Variants in SCN3A observed in about 807,000 individuals in gnomAD.
SCN3A encodes sodium voltage-gated channel alpha subunit 3, also known as sodium channel protein type 3 subunit alpha.
Under a neutral mutation model 187.6 loss-of-function variants are expected in SCN3A, and 60 were observed. The ratio of observed to expected loss-of-function variants is 0.32; its 90% CI spans 0.26 to 0.40. The LOEUF (loss-of-function observed/expected upper bound fraction) is 0.40. SCN3A is among the 10% of genes least tolerant of loss of function. The pLI, the probability that SCN3A is intolerant of heterozygous loss-of-function variation, is 1.00. For missense variants in SCN3A, 1,601 were observed against 2,428.2 expected (o/e 0.66, Z 7.16); for synonymous variants, 788 against 829.2 (o/e 0.95, Z 0.85).
rs72870766 is a variant in SCN3A at position 165,137,966 on chromosome 2, A to G, written c.2304T>C (p.Ile768=). Residue 768 remains isoleucine (I), a synonymous_variant, in exon 15 of 28, where the codon ATT becomes ATC. Coordinates refer to ENST00000283254, the MANE Select transcript of SCN3A (RefSeq NM_006922.4). ...TAAAGAGGGTATTTAAGACAATGCA[A>G]ATAGTGATGGCAAGATCAACAAATG... ...MDPFVDLAIT[I]CIVLNTLFMA... is the part of the protein sequence containing the mutation. The G allele has an allele frequency of 9.0e-4, 1,455 of 1,613,546 alleles. 1 individual carries two copies. Among genetic ancestry groups the G allele is most frequent in the Admixed American group, 1.7e-3 (101 of 59,976 alleles).
At chr2:165,120,344 C>G (rs1471829642) in intron 18 of SCN3A, among the ~76,000 whole-genome samples, 1 of 151,752 alleles carries the variant, frequency 6.6e-6, no homozygotes, top group Non-Finnish European at 1.5e-5. Context: ...TCCCCGCCGC[C>G]CAATAGAGTG....
Position 165,127,773 on chromosome 2 carries a change from A to G in SCN3A, c.3251T>C (p.Val1084Ala), listed in dbSNP as rs377559620. The G allele has an allele frequency of 1.7e-5, 28 of 1,614,174 alleles. No individual in the cohort carries two copies. In the African/African-American group the frequency reaches 3.6e-4, roughly 21 times the overall value. The change falls in exon 18 of 28, where the codon GTA (valine) becomes GCA (alanine). Residue 1084 changes from valine (V) to alanine (A), a missense_variant. Val to Ala is a moderately conservative substitution (Grantham distance 64). Around this residue, in one of 11 missense-constraint regions of SCN3A, gnomAD observed 267 missense variants for 313.2 expected, o/e 0.85. Transcript: ENST00000283254. Reference sequence around the variant, plus strand: ...TGACATATAATCATTTTCATCGATTACGTATTTTTCAACACTGCTTCCAGT... The same window carrying G: ...TGACATATAATCATTTTCATCGATTGCGTATTTTTCAACACTGCTTCCAGT... ...VGTGSSVEKY[V>A]IDENDYMSFI... is the part of the protein sequence containing the mutation.
intron 4 of SCN3A, among the ~76,000 whole-genome samples, chr2:165,169,817 C>T (rs1314764097): frequency 6.6e-6 from 1 of 151,908 alleles, no homozygotes; most frequent in East Asian, 1.9e-4. Flanking sequence ...ATATTCTGCC[C>T]TTTTACATAT....
chr2:165,163,153 A>G (rs1175022786), intron 7 of SCN3A, among the ~76,000 whole-genome samples: 2 of 152,290 alleles, frequency 1.3e-5, no homozygotes, highest in Middle Eastern at 3.4e-3. Flanking sequence ...TTTTCCACCA[A>G]TCCATTCTTT....
rs1445906357 is a variant in SCN3A, at chr2:165,135,468, C to G, written c.2391+2411G>C. On this transcript the variant is annotated intron_variant, in intron 15 of 27. Transcript: ENST00000283254. Reference sequence around the variant, plus strand: ...ATGCAATAATTTGAGCAGTAATAAACTAGTCTGTAGATATTCTAAATTTAT... The same window carrying G: ...ATGCAATAATTTGAGCAGTAATAAAGTAGTCTGTAGATATTCTAAATTTAT... Among the ~76,000 whole-genome samples the G allele has an allele frequency of 2.0e-5, 3 of 152,018 alleles. No individual in the cohort carries two copies. The East Asian group carries it at 5.8e-4, about 29-fold the overall frequency.
At chr2:165,122,054 A>G (rs1000002075) in intron 18 of SCN3A, among the ~76,000 whole-genome samples, 1 of 152,120 alleles carries the variant, frequency 6.6e-6, no homozygotes, top group Non-Finnish European at 1.5e-5. Context: ...TTCATCCCAT[A>G]TATCATGATG....
At chr2:165,161,558 C>G (rs2105886685) in intron 9 of SCN3A, among the ~76,000 whole-genome samples, 1 of 152,256 alleles carries the variant, frequency 6.6e-6, no homozygotes, top group Non-Finnish European at 1.5e-5. Flanking sequence ...ACCAGTTTCC[C>G]TTTTTAAAGG....
chr2:165,102,890 GA>G (rs1417052014), intron 21 of SCN3A, among the ~76,000 whole-genome samples: 1 of 152,112 alleles, frequency 6.6e-6, no homozygotes, highest in Non-Finnish European at 1.5e-5. Flanking sequence ...ACTTATATAG[GA>G]AAATAAAGGG....
intron 18 of SCN3A, among the ~76,000 whole-genome samples, chr2:165,118,268 G>A (rs1574139499): frequency 6.6e-6 from 1 of 152,088 alleles, no homozygotes; most frequent in African/African-American, 2.4e-5. Context: ...CAATGGACAA[G>A]GAAAAAACCC....
chr2:165,140,514 C>G lies in SCN3A; in HGVS notation c.2019+137G>C. 1.3e-6 allele frequency: 1 copy of G among 743,202 alleles called. No homozygotes were observed. Among genetic ancestry groups the G allele is most frequent in the Non-Finnish European group, 2.4e-6 (1 of 421,034 alleles). The allele number at this position is 743,202 out of a possible 1,614,324, so 46.0% of individuals were successfully genotyped here. Reference sequence around the variant, plus strand: ...TGATTCTCAATATTCTATTGTTTTCCCTTTGATTAATCATGTATTATTTTT... The same window carrying G: ...TGATTCTCAATATTCTATTGTTTTCGCTTTGATTAATCATGTATTATTTTT... On this transcript the variant is annotated intron_variant, in intron 13 of 27. Transcript: ENST00000283254. This position sits in a 1 kb window ranked among gnomAD's most constrained non-coding sequence, Gnocchi z 4.2.
At chr2:165,104,950 A>G (rs1377982860) in intron 21 of SCN3A, among the ~76,000 whole-genome samples, 1 of 152,202 alleles carries the variant, frequency 6.6e-6, no homozygotes, top group African/African-American at 2.4e-5. Flanking sequence ...GTTTTAAAAC[A>G]TTCTGGACTG....
rs760738000 is a variant in SCN3A, at chr2:165,127,791, C to G, written c.3233G>C (p.Ser1078Thr). Residue 1078 changes from serine to threonine, a missense_variant, in exon 18 of 28, where the codon AGC becomes ACC. Physicochemically the swap from Ser to Thr is moderately conservative, Grantham distance 58. Coordinates refer to ENST00000283254, the MANE Select transcript of SCN3A (RefSeq NM_006922.4). ...NGTTSGVGTGSSVEKYVIDEN... is the reference protein window; with the variant it reads ...NGTTSGVGTGTSVEKYVIDEN... ...ATCGATTACGTATTTTTCAACACTG[C>G]TTCCAGTACCTACACCACTGGTGGT... 3 of 1,614,174 alleles carry G rather than the reference C, an allele frequency of 1.9e-6. No homozygotes were observed. The East Asian group carries it at 6.7e-5, about 36-fold the overall frequency.
chr2:165,125,372 C>G (rs1686925146), intron 18 of SCN3A, among the ~76,000 whole-genome samples: 1 of 151,882 alleles, frequency 6.6e-6, no homozygotes, highest in South Asian at 2.1e-4. Flanking sequence ...GGCGCAATCT[C>G]CGCTCACTGC....
At chr2:165,137,076 T>A (rs1057215631) in intron 15 of SCN3A, among the ~76,000 whole-genome samples, 1 of 152,082 alleles carries the variant, frequency 6.6e-6, no homozygotes, top group Non-Finnish European at 1.5e-5. Context: ...GGATGGAAAA[T>A]CAGTGAGCTC....
At chr2:165,096,549 A>C (rs776500281) in intron 23 of SCN3A, 29 bp from the exon 24 acceptor site, 4 of 1,563,916 alleles carry the variant, frequency 2.6e-6, no homozygotes, top group South Asian at 1.1e-5. Flanking sequence ...TGAATTGTTC[A>C]TAAAAATTTC....
intron 18 of SCN3A, among the ~76,000 whole-genome samples, chr2:165,126,649 C>T (rs1687013479): frequency 7.4e-6 from 1 of 135,142 alleles, no homozygotes; most frequent in African/African-American, 2.7e-5. Flanking sequence ...TTCTCCTTTC[C>T]CTCCCTTCCT....
chr2:165,100,930 C>T (rs1685576917), intron 21 of SCN3A, among the ~76,000 whole-genome samples: 1 of 152,154 alleles, frequency 6.6e-6, no homozygotes, highest in South Asian at 2.1e-4. Flanking sequence ...GTTCTCTTAA[C>T]ATGTCTAACG....
intron 19 of SCN3A, 144 bp downstream of exon 19, chr2:165,115,311 C>A: frequency 2.3e-6 from 2 of 875,384 alleles, no homozygotes; most frequent in Non-Finnish European, 3.7e-6. Flanking sequence ...AAGCAATCCT[C>A]CTACCGTAGC....
chr2:165,179,317 C>G (rs747483711), intron 2 of SCN3A, among the ~76,000 whole-genome samples: 2 of 152,180 alleles, frequency 1.3e-5, no homozygotes, highest in Admixed American at 1.3e-4. Context: ...CACCTCAACA[C>G]AGAAATGGCT....
Sources: gnomAD v4.1 joint callset for allele counts (sites outside exome capture counted in the v4.1 genomes callset) on GRCh38, gnomAD v4.1.1 for gene constraint, gnomAD v4.1.1 regional missense constraint, Gnocchi (gnomAD v3.1) non-coding constraint, MANE v1.5 for transcripts, NCBI Gene and HGNC (gene_info 2026-07-23, HGNC 2026-07-21) for gene names.